MIPOL1: variants seen among roughly 807,000 people sequenced by gnomAD.
The protein encoded by MIPOL1 is mirror-image polydactyly 1.
In MIPOL1, 57 loss-of-function variants were observed where a neutral mutation model predicts 60.9. The observed-to-expected ratio is 0.94, with a 90% CI of 0.76 to 1.17. The LOEUF (loss-of-function observed/expected upper bound fraction) is 1.17. MIPOL1 is among the 50% of genes most tolerant of loss of function. The pLI is 0.00. For synonymous variants in MIPOL1, 179 were observed against 168.8 expected, an observed-to-expected ratio of 1.06 and a Z score of -0.47; for missense variants, 551 against 511.6, an observed-to-expected ratio of 1.08 and a Z score of -0.74.
chr14:37,308,279 A>C (rs1340068560), intron 8 of MIPOL1, 70 bp from the exon 9 acceptor site: 1 of 1,320,408 alleles, frequency 7.6e-7, no homozygotes, highest in Non-Finnish European at 1.0e-6. Flanking sequence ...TGTGCCTATT[A>C]ATTAAAACCC....
rs564495451 is a variant in MIPOL1, at chr14:37,356,274, C to A, written c.829-13243C>A. Among the ~76,000 whole-genome samples, 6 of 151,784 alleles carry A rather than the reference C, an allele frequency of 4.0e-5. No homozygotes were observed. In the South Asian group the frequency reaches 1.3e-3, roughly 32 times the overall value. ...AGTCAGTCTGCCAGTTCTCAGATCT[C>A]CAGCTGCGTGCTGGGAGAACCACTG... is the stretch of plus-strand genomic sequence containing the variant. On this transcript the variant is annotated intron_variant, in intron 9 of 12. Transcript: ENST00000684589.
chr14:37,391,455 G>A (rs2093237645), intron 10 of MIPOL1, among the ~76,000 whole-genome samples: 2 of 149,822 alleles, frequency 1.3e-5, no homozygotes, highest in African/African-American at 4.9e-5. Flanking sequence ...GAGTGCCGTG[G>A]CGTGATCTCA....
rs1183198893 is a variant in MIPOL1 at position 37,351,168 on chromosome 14, T to C, written c.829-18349T>C. Among the ~76,000 whole-genome samples, 5 of 146,176 alleles carry C rather than the reference T, an allele frequency of 3.4e-5. No individual in the cohort carries two copies. In the East Asian group the frequency reaches 1.0e-3, roughly 30 times the overall value. ...GTGAGAATATGCGGTGTTTGGTTTT[T>C]TGTTCTTGCGATAGTTTACTGAGAA... On this transcript the variant is annotated intron_variant, in intron 9 of 12. Transcript: ENST00000684589.
chr14:37,532,287 A>G (rs1191585200), intron 12 of MIPOL1, among the ~76,000 whole-genome samples: 1 of 152,176 alleles, frequency 6.6e-6, no homozygotes, highest in African/African-American at 2.4e-5. Flanking sequence ...TCAGTCCCTG[A>G]TATAGTTTAC....
intron 11 of MIPOL1, among the ~76,000 whole-genome samples, chr14:37,461,780 C>T (rs1252875433): frequency 6.6e-6 from 1 of 152,216 alleles, no homozygotes; most frequent in Non-Finnish European, 1.5e-5. Flanking sequence ...TCTCCTTTGA[C>T]TCCATGTTTC....
chr14:37,461,448 C>T (rs1028771640), intron 11 of MIPOL1, among the ~76,000 whole-genome samples: 1 of 152,114 alleles, frequency 6.6e-6, no homozygotes, highest in Non-Finnish European at 1.5e-5. Context: ...TCCTACAACC[C>T]ATGGGAATTA....
intron 7 of MIPOL1, among the ~76,000 whole-genome samples, chr14:37,293,151 C>G (rs113263722): frequency 0.013 from 1,876 of 146,738 alleles, 14 homozygotes; most frequent in Middle Eastern, 0.031. Context: ...GTTTTTCTTA[C>G]TTTTCTCTGG....
chr14:37,252,687 A>T (rs1344087305), intron 3 of MIPOL1, among the ~76,000 whole-genome samples: 1 of 151,912 alleles, frequency 6.6e-6, no homozygotes, highest in Non-Finnish European at 1.5e-5. Flanking sequence ...TTCACAAAGT[A>T]CATATTCTGT....
chr14:37,538,223 A>C (rs1011857425), intron 12 of MIPOL1, among the ~76,000 whole-genome samples: 1 of 152,202 alleles, frequency 6.6e-6, no homozygotes, highest in African/African-American at 2.4e-5. Context: ...ATGAACTTTA[A>C]TATGTCTTGA....
intron 1 of MIPOL1, among the ~76,000 whole-genome samples, chr14:37,202,968 A>G (rs1208059418): frequency 1.3e-5 from 2 of 152,252 alleles, no homozygotes; most frequent in East Asian, 3.9e-4. Flanking sequence ...AAATCTTATT[A>G]CTAGTACGTC....
chr14:37,377,661 C>A (rs2092812544), intron 10 of MIPOL1, among the ~76,000 whole-genome samples: 1 of 151,860 alleles, frequency 6.6e-6, no homozygotes, highest in Non-Finnish European at 1.5e-5. Context: ...ATCTTCATAT[C>A]CTCTCAAGCT....
intron 10 of MIPOL1, among the ~76,000 whole-genome samples, chr14:37,383,575 G>C (rs2092986004): frequency 6.6e-6 from 1 of 151,768 alleles, no homozygotes; most frequent in Admixed American, 6.6e-5. Context: ...TTTTCATACT[G>C]TAATAGTTGC....
intron 1 of MIPOL1, among the ~76,000 whole-genome samples, chr14:37,220,287 A>C (rs1968522297): frequency 6.6e-6 from 1 of 152,190 alleles, no homozygotes; most frequent in Non-Finnish European, 1.5e-5. Flanking sequence ...GCATCGTCTC[A>C]AACATGTACA....
At chr14:37,453,311 C>A (rs149203298) in intron 11 of MIPOL1, among the ~76,000 whole-genome samples, 71 of 151,884 alleles carry the variant, frequency 4.7e-4, no homozygotes, top group Admixed American at 1.1e-3. Flanking sequence ...AACAGGGAGG[C>A]GCTTAGTGGT....
At chr14:37,260,240 TAAAA>T (rs754422554) in intron 3 of MIPOL1, among the ~76,000 whole-genome samples, 2 of 121,246 alleles carry the variant, frequency 1.6e-5, no homozygotes, top group Non-Finnish European at 1.8e-5. Flanking sequence ...AGATCTCATC[TAAAA>T]AAAAAAAAAA....
intron 11 of MIPOL1, among the ~76,000 whole-genome samples, chr14:37,456,573 T>C (rs764297003): frequency 6.6e-6 from 1 of 152,122 alleles, no homozygotes; most frequent in Non-Finnish European, 1.5e-5. Context: ...GCCAGGTAAA[T>C]ATGGAATTAT....
At chr14:37,356,735 C>T (rs959063525) in intron 9 of MIPOL1, among the ~76,000 whole-genome samples, 4 of 152,198 alleles carry the variant, frequency 2.6e-5, no homozygotes, top group African/African-American at 7.2e-5. Context: ...TTGCGCTTCC[C>T]GAGTGAGGCA....
intron 9 of MIPOL1, among the ~76,000 whole-genome samples, chr14:37,359,198 T>C (rs945964659): frequency 3.9e-5 from 6 of 152,220 alleles, no homozygotes; most frequent in African/African-American, 1.4e-4. Flanking sequence ...TCTATATATC[T>C]GTTTCGGTAC....
chr14:37,511,189 C>A (rs1358079927), intron 12 of MIPOL1, among the ~76,000 whole-genome samples: 1 of 152,154 alleles, frequency 6.6e-6, no homozygotes, highest in African/African-American at 2.4e-5. Context: ...ATAGGCATAT[C>A]ATCACTTATA....
Sources: gnomAD v4.1 joint callset for allele counts (sites outside exome capture counted in the v4.1 genomes callset) on GRCh38, gnomAD v4.1.1 for gene constraint, MANE v1.5 for transcripts, NCBI Gene and HGNC (gene_info 2026-07-23, HGNC 2026-07-21) for gene names.